Variants in DDX10 observed in about 807,000 individuals in gnomAD.
DDX10 encodes probable ATP-dependent RNA helicase DDX10.
In DDX10, 74 loss-of-function variants were observed where a neutral mutation model predicts 104.3. That is an observed-to-expected ratio of 0.71 (90% CI 0.59 to 0.86). The LOEUF (loss-of-function observed/expected upper bound fraction) is 0.86. Ranked by LOEUF, DDX10 falls within the 40% of genes least tolerant of loss-of-function variation. The pLI is 0.00. For missense variants in DDX10, 952 were observed against 1,040.0 expected (o/e 0.92, Z 1.16); for synonymous variants, 351 against 353.4 (o/e 0.99, Z 0.08).
At chr11:108,876,588 G>A (rs1157722297) in intron 16 of DDX10, among the ~76,000 whole-genome samples, 1 of 152,160 alleles carries the variant, frequency 6.6e-6, no homozygotes, top group Non-Finnish European at 1.5e-5. Flanking sequence ...GACTAGTTCT[G>A]TGATCTTGAA....
intron 13 of DDX10, among the ~76,000 whole-genome samples, chr11:108,781,392 A>G (rs1049196738): frequency 2.6e-5 from 4 of 152,172 alleles, no homozygotes; most frequent in African/African-American, 7.2e-5. Context: ...TCTTTTTGGT[A>G]TAATGATCTA....
intron 17 of DDX10, among the ~76,000 whole-genome samples, chr11:108,935,868 TAA>T (rs1864030674): frequency 6.6e-6 from 1 of 152,218 alleles, no homozygotes; most frequent in Non-Finnish European, 1.5e-5. Flanking sequence ...TCCCATGTTT[TAA>T]AAGATTTTTG....
intron 16 of DDX10, among the ~76,000 whole-genome samples, chr11:108,895,401 A>C (rs555078145): frequency 6.6e-6 from 1 of 151,780 alleles, no homozygotes; most frequent in Non-Finnish European, 1.5e-5. Context: ...CTTTTCCTAA[A>C]CTCTGAGTGT....
At chr11:108,921,872 GGT>G (rs1161646942) in intron 17 of DDX10, 1 of 147,812 alleles carries the variant, frequency 6.8e-6, no homozygotes, top group Non-Finnish European at 1.5e-5. Flanking sequence ...GCAGGAGAAT[GGT>G]GTGAACCTGG....
chr11:108,720,225 CAGT>C, intron 12 of DDX10, among the ~76,000 whole-genome samples: 1 of 152,156 alleles, frequency 6.6e-6, no homozygotes, highest in Non-Finnish European at 1.5e-5. Context: ...AATCAGGGAG[CAGT>C]TTATTATTTG....
intron 13 of DDX10, among the ~76,000 whole-genome samples, chr11:108,803,582 G>GA (rs34367715): frequency 0.08 from 1,790 of 22,290 alleles, 54 homozygotes; most frequent in African/African-American, 0.15. Flanking sequence ...CAACAAGAGC[G>GA]AAAAAAAAAA....
intron 16 of DDX10, among the ~76,000 whole-genome samples, chr11:108,855,893 A>G (rs1862861769): frequency 6.6e-6 from 1 of 152,252 alleles, no homozygotes; most frequent in East Asian, 1.9e-4. Context: ...AATGATGATT[A>G]TAGTTCGTAT....
At chr11:108,934,387 G>A (rs1258134282) in intron 17 of DDX10, among the ~76,000 whole-genome samples, 3 of 152,196 alleles carry the variant, frequency 2.0e-5, no homozygotes, top group Non-Finnish European at 4.4e-5. Flanking sequence ...ACATCCAGGA[G>A]CTGGTTGAAT....
At chr11:108,682,425 A>G (rs559201709) in intron 6 of DDX10, among the ~76,000 whole-genome samples, 37 of 152,190 alleles carry the variant, frequency 2.4e-4, no homozygotes, top group Non-Finnish European at 4.3e-4. Context: ...CTAGTTTGAT[A>G]TTAGTCTACC....
chr11:108,760,066 G>T (rs905933542), intron 13 of DDX10, among the ~76,000 whole-genome samples: 1 of 151,104 alleles, frequency 6.6e-6, no homozygotes, highest in African/African-American at 2.4e-5. Flanking sequence ...TTAGTGAAGG[G>T]TACTCCTATC....
At chr11:108,890,618 C>T (rs902542554) in intron 16 of DDX10, among the ~76,000 whole-genome samples, 16 of 151,554 alleles carry the variant, frequency 1.1e-4, no homozygotes, top group Non-Finnish European at 2.2e-4. Flanking sequence ...TTCAGAAACC[C>T]GTGGAGAGCT....
At chr11:108,876,171 CTATT>C (rs1324481229) in intron 16 of DDX10, among the ~76,000 whole-genome samples, 2 of 152,080 alleles carry the variant, frequency 1.3e-5, no homozygotes, top group East Asian at 1.9e-4. Flanking sequence ...AATCTAATAA[CTATT>C]TGTGTATTTC....
intron 13 of DDX10, among the ~76,000 whole-genome samples, chr11:108,817,368 C>T (rs1862269728): frequency 6.6e-6 from 1 of 152,126 alleles, no homozygotes; most frequent in Non-Finnish European, 1.5e-5. Context: ...ATTTATGTGC[C>T]TTTGCACTAC....
intron 17 of DDX10, among the ~76,000 whole-genome samples, chr11:108,927,596 G>A (rs966269720): frequency 1.3e-5 from 2 of 150,994 alleles, no homozygotes; most frequent in Non-Finnish European, 2.9e-5. Flanking sequence ...TTTCTTCTAT[G>A]TTGCCTTGGG....
chr11:108,860,364 T>C (rs550949028), intron 16 of DDX10, among the ~76,000 whole-genome samples: 1 of 152,308 alleles, frequency 6.6e-6, no homozygotes, highest in African/African-American at 2.4e-5. Flanking sequence ...TGTAGAATTA[T>C]CATCTTGTAA....
intron 16 of DDX10, among the ~76,000 whole-genome samples, chr11:108,877,154 CGTT>C (rs1028298763): frequency 6.6e-5 from 10 of 152,114 alleles, no homozygotes; most frequent in African/African-American, 2.4e-4. Flanking sequence ...ATGAAATCCT[CGTT>C]GTCTTGTGGC....
At chr11:108,873,931 A>G (rs1863116055) in intron 16 of DDX10, among the ~76,000 whole-genome samples, 1 of 152,182 alleles carries the variant, frequency 6.6e-6, no homozygotes, top group Non-Finnish European at 1.5e-5. Context: ...CAGTACATGA[A>G]CTTGTTTCAT....
chr11:108,727,409 A>G (rs1411083013), intron 13 of DDX10, among the ~76,000 whole-genome samples: 1 of 152,148 alleles, frequency 6.6e-6, no homozygotes, highest in African/African-American at 2.4e-5. Flanking sequence ...GATGTCCTCA[A>G]ACAGTAAAGT....
chr11:108,805,644 C>A (rs1289458391), intron 13 of DDX10, among the ~76,000 whole-genome samples: 1 of 152,104 alleles, frequency 6.6e-6, no homozygotes, highest in Non-Finnish European at 1.5e-5. Flanking sequence ...GTTGATATCA[C>A]AAATTTAATG....
Sources: allele counts gnomAD v4.1 joint callset (sites outside exome capture counted in the v4.1 genomes callset), GRCh38; gene constraint gnomAD v4.1.1; transcripts MANE v1.5; gene names NCBI Gene and HGNC (gene_info 2026-07-23, HGNC 2026-07-21).